SOS1: variants seen among roughly 807,000 people sequenced by gnomAD.
SOS1 encodes the protein SOS Ras/Rac guanine nucleotide exchange factor 1.
SOS1 carries 25 observed loss-of-function variants against 157.6 expected under a neutral mutation model. That is an observed-to-expected ratio of 0.16 (90% CI 0.12 to 0.22). SOS1 has a LOEUF of 0.22. SOS1 is among the 10% of genes least tolerant of loss of function. The pLI, the probability that SOS1 is intolerant of heterozygous loss-of-function variation, is 1.00. For missense variants in SOS1, 1,237 were observed against 1,599.1 expected (o/e 0.77, Z 3.86); for synonymous variants, 528 against 534.0 (o/e 0.99, Z 0.16).
rs776420339 is a variant in SOS1, at chr2:38,989,262, A to G, written c.3391+8T>C. On this transcript the variant is annotated splice_region_variant and intron_variant, in intron 21 of 22. Transcript: ENST00000402219. ...AAGAATTATGAGTCTTAAACCAAAT[A>G]TACTAACTTGGGCCATGGGGCAGAG... 12 of 1,583,950 alleles carry G rather than the reference A, an allele frequency of 7.6e-6. No individual in the cohort carries two copies. In the Admixed American group the frequency reaches 1.8e-4, roughly 24 times the overall value.
Position 39,120,835 on chromosome 2 carries a change from C to T in SOS1, c.-413G>A, listed in dbSNP as rs971636381. Among the ~76,000 whole-genome samples, 1 of 151,032 alleles carries T rather than the reference C, an allele frequency of 6.6e-6. No homozygotes were observed. The highest frequency in any genetic ancestry group is 2.4e-5 in the African/African-American group (1 of 41,242). ...GGGGGAGGACGTGTGGAGGGACGCT[C>T]CGGCCGCGGCGCCCGCTCCGCGTAG... On this transcript the variant is annotated 5_prime_UTR_variant, in exon 1 of 23. Coordinates refer to ENST00000402219, the MANE Select transcript of SOS1 (RefSeq NM_005633.4).
In SOS1 at chr2:39,110,499, ACTACT is replaced by A. The variant is rs376701612; in HGVS notation, c.87+9832_87+9836del. On this transcript the variant is annotated intron_variant, in intron 1 of 22. Coordinates refer to ENST00000402219, the MANE Select transcript of SOS1 (RefSeq NM_005633.4). Reference sequence around the variant, plus strand: ...GAAAAGAAAATCTCTTCAACAGGCTACTACTCTAGGCATACTGCCTATGGCACAGC... The same window carrying A: ...GAAAAGAAAATCTCTTCAACAGGCTACTAGGCATACTGCCTATGGCACAGC... Among the ~76,000 whole-genome samples the A allele has an allele frequency of 2.4e-4, 37 of 152,256 alleles. 1 individual carries two copies. The East Asian group carries it at 5.8e-3, about 24-fold the overall frequency.
At chr2:39,110,696 C>A (rs1322580993) in intron 1 of SOS1, among the ~76,000 whole-genome samples, 1 of 152,148 alleles carries the variant, frequency 6.6e-6, no homozygotes, top group East Asian at 1.9e-4. Flanking sequence ...ATGAAAGCTA[C>A]AAGTATAAAG....
chr2:39,073,639 T>C (rs1671863310), intron 1 of SOS1, among the ~76,000 whole-genome samples: 1 of 152,220 alleles, frequency 6.6e-6, no homozygotes, highest in South Asian at 2.1e-4. Context: ...TGAAGCAACT[T>C]TATTGGCTAT....
intron 1 of SOS1, among the ~76,000 whole-genome samples, chr2:39,076,130 C>T (rs1298145371): frequency 6.6e-6 from 1 of 152,154 alleles, no homozygotes; most frequent in Non-Finnish European, 1.5e-5. Context: ...GCAAACTTGG[C>T]CGGGTGTGAT....
rs142770359 is a variant in SOS1, at chr2:39,011,661, A to T, written c.2390+465T>A. Reference sequence around the variant, plus strand: ...ATAATTACATCAATGTAGTATGATTAAAAAAGACTATAATGGCTGTAAGTT... The same window carrying T: ...ATAATTACATCAATGTAGTATGATTTAAAAAGACTATAATGGCTGTAAGTT... On this transcript the variant is annotated intron_variant, in intron 14 of 22. Transcript: ENST00000402219. Among the ~76,000 whole-genome samples the T allele has an allele frequency of 2.6e-5, 4 of 152,356 alleles. No homozygotes were observed. The East Asian group carries it at 7.7e-4, about 29-fold the overall frequency.
At chr2:39,010,126 G>A (rs540474912) in intron 15 of SOS1, among the ~76,000 whole-genome samples, 389 of 152,102 alleles carry the variant, frequency 2.6e-3, no homozygotes, top group Middle Eastern at 0.01. Flanking sequence ...GACCAGCCTG[G>A]CCAATGTGAT....
intron 1 of SOS1, among the ~76,000 whole-genome samples, chr2:39,119,916 C>G (rs1466339698): frequency 6.6e-6 from 1 of 152,162 alleles, no homozygotes; most frequent in Non-Finnish European, 1.5e-5. Flanking sequence ...GCAAGCCTTA[C>G]GGCCAGGGCA....
chr2:39,075,341 A>C (rs1671932863), intron 1 of SOS1, among the ~76,000 whole-genome samples: 1 of 152,204 alleles, frequency 6.6e-6, no homozygotes, highest in South Asian at 2.1e-4. Flanking sequence ...ATTTTCCAGG[A>C]AAGATAAGAA....
intron 8 of SOS1, chr2:39,034,965 A>C: frequency 1.8e-6 from 1 of 552,378 alleles, no homozygotes; most frequent in Non-Finnish European, 3.3e-6. Flanking sequence ...TCACTAAAAA[A>C]CCAAAAATAA....
chr2:39,069,221 A>AAAAAAC, intron 1 of SOS1, among the ~76,000 whole-genome samples: 1 of 85,218 alleles, frequency 1.2e-5, no homozygotes, highest in South Asian at 3.3e-4. Flanking sequence ...AAAAAAAAAA[A>AAAAAAC]AAAGCCCAGT....
chr2:39,023,880 C>G (rs1669876660), intron 9 of SOS1, 130 bp downstream of exon 9: 1 of 677,764 alleles, frequency 1.5e-6, no homozygotes, highest in Admixed American at 2.7e-5. Context: ...GATGTCACTT[C>G]CTCTAAAAGA....
intron 5 of SOS1, 23 bp downstream of exon 5, chr2:39,054,591 G>C: frequency 7.6e-7 from 1 of 1,309,522 alleles, no homozygotes; most frequent in Non-Finnish European, 1.1e-6. Flanking sequence ...TTCAATGAGA[G>C]GCATATATAC....
upstream of SOS1, among the ~76,000 whole-genome samples, chr2:39,123,213 G>T (rs775645339): frequency 6.6e-6 from 1 of 152,018 alleles, no homozygotes; most frequent in Non-Finnish European, 1.5e-5. Flanking sequence ...ATCACTCCAA[G>T]TAATTCTCAC....
chr2:39,053,488 C>T (rs1434209141), intron 5 of SOS1, among the ~76,000 whole-genome samples: 4 of 152,122 alleles, frequency 2.6e-5, no homozygotes, highest in African/African-American at 9.7e-5. Flanking sequence ...AGAAACCATG[C>T]AGTGTGTCCA....
Position 39,055,423 on chromosome 2 carries a change from C to A in SOS1, c.511-600G>T, listed in dbSNP as rs549739944. 1.3e-3 allele frequency among the ~76,000 whole-genome samples: 201 copies of A among 152,110 alleles called. 1 individual carries two copies. The highest frequency in any genetic ancestry group is 3.6e-3 in the African/African-American group (150 of 41,506). On this transcript the variant is annotated intron_variant, in intron 4 of 22. Transcript: ENST00000402219. ...AAGTATACCTTCATCAACTCTGGAG[C>A]CTTGTTTTATATATACTTATCTTGC...
chr2:39,119,067 T>C (rs896166036), intron 1 of SOS1, among the ~76,000 whole-genome samples: 12 of 152,198 alleles, frequency 7.9e-5, no homozygotes, highest in Admixed American at 5.9e-4. Flanking sequence ...GCTTCTAGCA[T>C]CACAGAGACC....
intron 6 of SOS1, among the ~76,000 whole-genome samples, chr2:39,044,262 G>T (rs1158225517): frequency 6.6e-6 from 1 of 152,156 alleles, no homozygotes; most frequent in African/African-American, 2.4e-5. Context: ...TGAGGCATGA[G>T]AATTGCTTGA....
At chr2:39,051,102 G>A (rs771348664) in intron 6 of SOS1, 42 bp downstream of exon 6, 5 of 1,591,298 alleles carry the variant, frequency 3.1e-6, no homozygotes, top group African/African-American at 1.3e-5. Flanking sequence ...GTAAATGTAG[G>A]CTTTTATGCA....
Sources: gnomAD v4.1 joint callset for allele counts (sites outside exome capture counted in the v4.1 genomes callset) on GRCh38, gnomAD v4.1.1 for gene constraint, MANE v1.5 for transcripts, NCBI Gene and HGNC (gene_info 2026-07-23, HGNC 2026-07-21) for gene names.